CLVS1: variants seen among roughly 807,000 people sequenced by gnomAD.
CLVS1 encodes clavesin 1.
Under a neutral mutation model 33.1 loss-of-function variants are expected in CLVS1, and 10 were observed. The observed-to-expected ratio is 0.30, with a 90% CI of 0.19 to 0.51. The LOEUF (loss-of-function observed/expected upper bound fraction) is 0.51, where lower values mean the gene tolerates loss of function less well. Ranked by LOEUF, CLVS1 falls within the 20% of genes least tolerant of loss-of-function variation. The pLI, the probability that CLVS1 is intolerant of heterozygous loss-of-function variation, is 0.97. For missense variants in CLVS1, 343 were observed against 433.4 expected (o/e 0.79, Z 1.85); for synonymous variants, 163 against 166.1 (o/e 0.98, Z 0.14).
intron 2 of CLVS1, among the ~76,000 whole-genome samples, chr8:61,226,703 ATCT>A (rs1808337298): frequency 6.6e-6 from 1 of 152,332 alleles, no homozygotes; most frequent in Non-Finnish European, 1.5e-5. Flanking sequence ...GATCAAAATC[ATCT>A]TCTGTTCACT....
intron 2 of CLVS1, among the ~76,000 whole-genome samples, chr8:61,234,150 G>A (rs970879028): frequency 6.6e-6 from 1 of 152,156 alleles, no homozygotes; most frequent in Non-Finnish European, 1.5e-5. Flanking sequence ...GCCCACCACA[G>A]ACCACCGGCG....
Position 61,299,891 on chromosome 8 carries a change from A to C in CLVS1, c.64A>C (p.Lys22Gln), listed in dbSNP as rs377639699. Reference protein sequence around the residue: ...KLNTWNGDLAKMTHLQAGLSP... With the variant: ...KLNTWNGDLAQMTHLQAGLSP... ...AAACACTTGGAACGGAGATTTGGCC[A>C]AGATGACCCATTTACAGGCTGGACT... The change falls in exon 2 of 6, where the codon AAG (lysine) becomes CAG (glutamine). Residue 22 changes from lysine (K) to glutamine (Q), a missense_variant. This residue lies in a region of CLVS1 where 88 missense variants were observed against 77.3 expected (regional missense o/e 1.14). Coordinates refer to ENST00000325897, the MANE Select transcript of CLVS1 (RefSeq NM_173519.3). 6.2e-7 allele frequency: 1 copy of C among 1,613,916 alleles called. No homozygotes were observed. Among genetic ancestry groups the C allele is most frequent in the Non-Finnish European group, 8.5e-7 (1 of 1,179,920 alleles).
upstream of CLVS1, among the ~76,000 whole-genome samples, chr8:61,055,335 C>T (rs1804457813): frequency 6.6e-6 from 1 of 152,212 alleles, no homozygotes. Context: ...CATCAATCTT[C>T]TATAGTCACA....
At chr8:61,468,681 T>G (rs902855583) in intron 5 of CLVS1, among the ~76,000 whole-genome samples, 1 of 134,842 alleles carries the variant, frequency 7.4e-6, no homozygotes, top group African/African-American at 2.9e-5. Context: ...CAACCTGAGC[T>G]CAGTCTGATA....
intron 1 of CLVS1, among the ~76,000 whole-genome samples, chr8:61,120,187 C>A (rs1456303843): frequency 8.2e-5 from 12 of 145,918 alleles, no homozygotes; most frequent in Non-Finnish European, 1.5e-5. Context: ...CTTCTGCATT[C>A]TTCACGTAGT....
intron 2 of CLVS1, among the ~76,000 whole-genome samples, chr8:61,346,325 C>T (rs892144690): frequency 6.6e-6 from 1 of 152,110 alleles, no homozygotes; most frequent in African/African-American, 2.4e-5. Flanking sequence ...GACATTTGCA[C>T]AGACTCTTCT....
At chr8:61,061,230 G>A (rs1052198247) in intron 1 of CLVS1, among the ~76,000 whole-genome samples, 6 of 152,106 alleles carry the variant, frequency 3.9e-5, no homozygotes, top group Admixed American at 6.5e-5. Flanking sequence ...CTGAAGTCAC[G>A]GTTTCTTATT....
At chr8:61,398,131 T>A (rs1814605336) in intron 3 of CLVS1, among the ~76,000 whole-genome samples, 2 of 152,056 alleles carry the variant, frequency 1.3e-5, no homozygotes, top group South Asian at 4.1e-4. Context: ...TTTATTTAGA[T>A]CTTTAATTTC....
At chr8:61,484,776 T>C (rs1208539847) in intron 5 of CLVS1, among the ~76,000 whole-genome samples, 1 of 152,026 alleles carries the variant, frequency 6.6e-6, no homozygotes, top group African/African-American at 2.4e-5. Flanking sequence ...ACAGAGCCCT[T>C]GGAAATAATA....
intron 2 of CLVS1, among the ~76,000 whole-genome samples, chr8:61,145,525 G>A (rs1447774104): frequency 3.3e-5 from 5 of 152,218 alleles, no homozygotes; most frequent in African/African-American, 1.2e-4. Context: ...ACAAGAGGAG[G>A]AGGAGCCAGG....
the CLVS1 span, among the ~76,000 whole-genome samples, chr8:61,027,663 C>G: frequency 6.6e-6 from 1 of 152,098 alleles, no homozygotes; most frequent in Non-Finnish European, 1.5e-5. Flanking sequence ...GAGTGTTATT[C>G]TCTAGCATTG....
At chr8:61,380,382 T>C (rs1160629371) in intron 3 of CLVS1, among the ~76,000 whole-genome samples, 1 of 152,196 alleles carries the variant, frequency 6.6e-6, no homozygotes, top group Non-Finnish European at 1.5e-5. Context: ...TTAGGGATCA[T>C]CAGATTTTTA....
chr8:61,106,411 G>T (rs758792205), intron 1 of CLVS1, among the ~76,000 whole-genome samples: 1 of 152,204 alleles, frequency 6.6e-6, no homozygotes, highest in Admixed American at 6.5e-5. Flanking sequence ...TTAAAGAAAC[G>T]TAGAATGAAA....
intron 2 of CLVS1, among the ~76,000 whole-genome samples, chr8:61,179,165 A>G (rs1439165832): frequency 6.6e-6 from 1 of 152,214 alleles, no homozygotes; most frequent in Non-Finnish European, 1.5e-5. Flanking sequence ...TGGCAAGCAA[A>G]TGGAAAGAAA....
Position 61,418,342 on chromosome 8 carries a change from A to C in CLVS1, c.631-35799A>C, listed in dbSNP as rs540623311. 1.1e-3 allele frequency among the ~76,000 whole-genome samples: 172 copies of C among 152,284 alleles called. 1 individual carries two copies. The highest frequency in any genetic ancestry group is 4.2e-4 in the South Asian group (2 of 4,818). On this transcript the variant is annotated intron_variant, in intron 3 of 5. Coordinates refer to ENST00000325897, the MANE Select transcript of CLVS1 (RefSeq NM_173519.3). ...ATAATGAGACCCCAACTCAAAAAAA[A>C]CCAACTATTTGTTATTACTTAAATT...
At chr8:61,219,251 A>G (rs1170179972) in intron 2 of CLVS1, among the ~76,000 whole-genome samples, 1 of 152,150 alleles carries the variant, frequency 6.6e-6, no homozygotes, top group Non-Finnish European at 1.5e-5. Context: ...TACATGTACC[A>G]TGATAGTTTG....
At chr8:61,059,475 C>CATATATATATATATAT (rs56322834) in intron 1 of CLVS1, among the ~76,000 whole-genome samples, 2,251 of 50,062 alleles carry the variant, frequency 0.045, 256 homozygotes, top group Middle Eastern at 0.12. Flanking sequence ...TACATACATA[C>CATATATATATATATAT]ATATATATAT....
At chr8:60,989,176 T>G in the CLVS1 span, among the ~76,000 whole-genome samples, 2 of 152,120 alleles carry the variant, frequency 1.3e-5, no homozygotes, top group Non-Finnish European at 2.9e-5. Flanking sequence ...CCAGATTCTT[T>G]TTTTTTGTTT....
chr8:61,475,825 C>A (rs1817905095), intron 5 of CLVS1, among the ~76,000 whole-genome samples: 1 of 152,144 alleles, frequency 6.6e-6, no homozygotes, highest in African/African-American at 2.4e-5. Context: ...TCAATTTTGT[C>A]TTTTGTTGCC....
Sources: gnomAD v4.1 joint callset for allele counts (sites outside exome capture counted in the v4.1 genomes callset) on GRCh38, gnomAD v4.1.1 for gene constraint, gnomAD v4.1.1 regional missense constraint, MANE v1.5 for transcripts, NCBI Gene and HGNC (gene_info 2026-07-23, HGNC 2026-07-21) for gene names.